The following FAM193A variants were observed in gnomAD, a reference collection of about 807,000 sequenced individuals.
FAM193A encodes protein FAM193A.
FAM193A carries 22 observed loss-of-function variants against 126.5 expected under a neutral mutation model. The observed-to-expected ratio is 0.17, with a 90% CI of 0.12 to 0.25. The LOEUF is 0.25. Among genes scored for constraint, FAM193A ranks in the 10% least tolerant of loss-of-function variants. The pLI is 1.00. For synonymous variants in FAM193A, 761 were observed against 646.8 expected (o/e 1.18, Z -2.68); for missense variants, 1,675 against 1,672.8 (o/e 1.00, Z -0.02).
chr4:2,585,916 G>A (rs561781133), intron 1 of FAM193A, among the ~76,000 whole-genome samples: 1 of 152,082 alleles, frequency 6.6e-6, no homozygotes, highest in East Asian at 1.9e-4. Context: ...GTGGCAGAGT[G>A]AGACTGCATC....
intron 15 of FAM193A, among the ~76,000 whole-genome samples, chr4:2,691,835 G>A (rs1353236582): frequency 6.6e-6 from 1 of 151,300 alleles, no homozygotes; most frequent in African/African-American, 2.4e-5. Flanking sequence ...ATAAAGTCAA[G>A]AATCCATAAG....
At chr4:2,693,539 C>A (rs200054720) in intron 15 of FAM193A, 47 bp from the exon 16 acceptor site, 19 of 1,562,132 alleles carry the variant, frequency 1.2e-5, no homozygotes, top group East Asian at 2.3e-5. Context: ...CAGGTTTGAA[C>A]ATTTTTGAAA....
intron 1 of FAM193A, among the ~76,000 whole-genome samples, chr4:2,556,353 G>A (rs568151013): frequency 3.3e-5 from 5 of 152,028 alleles, no homozygotes; most frequent in East Asian, 3.9e-4. Context: ...CTACAGGTAC[G>A]CACCACCAAA....
chr4:2,700,538 T>A lies in FAM193A; in HGVS notation c.4366T>A (p.Ser1456Thr), dbSNP rs1048967500. ...GAAGAAAGGAGACAGAGTCAACAAT[T>A]CAATTGGTAAATACAGAATAGCGGG... ...KKKKGDRVNN[S>T]IDDVFLPKDI... Residue 1456 changes from serine (S) to threonine (T), a missense_variant, in exon 19 of 21, where the codon TCA becomes ACA. Transcript: ENST00000637812. 3.7e-6 allele frequency: 6 copies of A among 1,610,296 alleles called. No homozygotes were observed. Among genetic ancestry groups the A allele is most frequent in the Non-Finnish European group, 5.1e-6 (6 of 1,178,868 alleles).
At chr4:2,550,690 C>T (rs1182861387) in intron 1 of FAM193A, among the ~76,000 whole-genome samples, 5 of 152,006 alleles carry the variant, frequency 3.3e-5, no homozygotes, top group African/African-American at 1.2e-4. Context: ...CCCACCTCGG[C>T]CTCCCAAAGT....
intron 2 of FAM193A, among the ~76,000 whole-genome samples, chr4:2,601,227 CTTTT>C (rs1201989388): frequency 9.0e-6 from 1 of 110,668 alleles, no homozygotes. Flanking sequence ...TCTTCTTCTT[CTTTT>C]TTTTTTTTTT....
chr4:2,684,929 T>C (rs1715563151), intron 13 of FAM193A, among the ~76,000 whole-genome samples: 2 of 152,142 alleles, frequency 1.3e-5, no homozygotes, highest in African/African-American at 2.4e-5. Flanking sequence ...GCCGAGCAGG[T>C]GCGGCTGCAT....
intron 17 of FAM193A, 87 bp from the exon 18 acceptor site, chr4:2,696,276 A>G: frequency 1.2e-6 from 1 of 849,012 alleles, no homozygotes; most frequent in Non-Finnish European, 1.9e-6. Context: ...CTTGAGTAAT[A>G]AAACAGTTTA....
chr4:2,565,557 G>C (rs1738892234), intron 1 of FAM193A, among the ~76,000 whole-genome samples: 1 of 151,884 alleles, frequency 6.6e-6, no homozygotes, highest in African/African-American at 2.4e-5. Flanking sequence ...TGCTCAGCCA[G>C]AGTAGCCACT....
intron 1 of FAM193A, among the ~76,000 whole-genome samples, chr4:2,557,269 G>A (rs1242133032): frequency 6.6e-6 from 1 of 152,074 alleles, no homozygotes; most frequent in Admixed American, 6.6e-5. Flanking sequence ...TTGATCACAG[G>A]TAACTCAAAC....
In FAM193A at chr4:2,684,425, G is replaced by GTT. The variant is rs112777362; in HGVS notation, c.2332-5072_2332-5071dup. ...AGCTCTTTATATTCTCTTGTTCCTT[G>GTT]TTTTTTTTTTCTTTCTTTAAGCATT... On this transcript the variant is annotated intron_variant, in intron 13 of 20. Transcript: ENST00000637812. Among the ~76,000 whole-genome samples the GTT allele has an allele frequency of 3.4e-4, 50 of 146,326 alleles. 1 individual carries two copies. Among genetic ancestry groups the GTT allele is most frequent in the African/African-American group, 1.2e-3 (47 of 40,050 alleles).
At chr4:2,620,265 A>G (rs866841943) in intron 2 of FAM193A, among the ~76,000 whole-genome samples, 1 of 152,258 alleles carries the variant, frequency 6.6e-6, no homozygotes, top group African/African-American at 2.4e-5. Context: ...TCTCCAGGAA[A>G]TGTTGCTTTC....
intron 5 of FAM193A, among the ~76,000 whole-genome samples, chr4:2,632,751 C>T (rs996834818): frequency 7.2e-5 from 11 of 152,102 alleles, no homozygotes; most frequent in Non-Finnish European, 1.5e-4. Flanking sequence ...GTAGTGCCAC[C>T]AGGCTTCCTT....
chr4:2,652,727 G>A (rs1466526448), intron 7 of FAM193A, among the ~76,000 whole-genome samples: 6 of 152,174 alleles, frequency 3.9e-5, no homozygotes, highest in East Asian at 1.9e-4. Flanking sequence ...AGATTTGGGC[G>A]GGGACACAAA....
At chr4:2,629,918 G>T (rs993093502) in intron 4 of FAM193A, among the ~76,000 whole-genome samples, 3 of 152,170 alleles carry the variant, frequency 2.0e-5, no homozygotes, top group Non-Finnish European at 2.9e-5. Context: ...GGATCACAAG[G>T]TCAGGAGATC....
intron 1 of FAM193A, among the ~76,000 whole-genome samples, chr4:2,584,896 G>T (rs964253749): frequency 1.3e-5 from 2 of 151,956 alleles, no homozygotes; most frequent in Non-Finnish European, 2.9e-5. Context: ...CTGCACTCCA[G>T]CCTGGCGACA....
In FAM193A at chr4:2,690,682, C is replaced by G; in HGVS notation, c.2531-16C>G. On this transcript the variant is annotated splice_polypyrimidine_tract_variant and intron_variant, in intron 14 of 20. Coordinates refer to ENST00000637812, the MANE Select transcript of FAM193A (RefSeq NM_001366318.2). The stretch of plus-strand genomic sequence containing the variant: ...ATTGCTGTCAGAAGCCTTAATTTTC[C>G]TGTTCTTCTTTGAAGGGAGTGAAAT... 6.3e-7 allele frequency: 1 copy of G among 1,597,702 alleles called. No homozygotes were observed. The highest frequency in any genetic ancestry group is 1.4e-5 in the African/African-American group (1 of 73,918).
intron 2 of FAM193A, chr4:2,608,045 A>G: frequency 2.5e-6 from 4 of 1,608,498 alleles, no homozygotes; most frequent in African/African-American, 2.7e-5. Flanking sequence ...CCGGGTGTGC[A>G]GCATAAATTG....
At position 2,540,110 on chromosome 4, in the gene FAM193A, C is replaced by T. The variant is rs535510245; in HGVS notation, c.255+2940C>T. Among the ~76,000 whole-genome samples, 10 of 137,080 alleles carry T rather than the reference C, an allele frequency of 7.3e-5. No homozygotes were observed. The East Asian group carries it at 2.0e-3, about 27-fold the overall frequency. The allele number at this position is 137,080 out of a possible 152,430, so 89.9% of individuals were successfully genotyped here. ...TACTGCCTGGGCAACAAGAGTGAAA[C>T]TCTGTCTCAAAAAAAAAAAAAAAAT... On this transcript the variant is annotated intron_variant, in intron 1 of 20. Coordinates refer to ENST00000637812, the MANE Select transcript of FAM193A (RefSeq NM_001366318.2).
Sources: gnomAD v4.1 joint callset for allele counts (sites outside exome capture counted in the v4.1 genomes callset) on GRCh38, gnomAD v4.1.1 for gene constraint, MANE v1.5 for transcripts, NCBI Gene and HGNC (gene_info 2026-07-23, HGNC 2026-07-21) for gene names.